The following RAD51AP2 variants were observed in gnomAD, a reference collection of about 807,000 sequenced individuals.
The protein encoded by RAD51AP2 is RAD51-associated protein 2.
In RAD51AP2, 67 loss-of-function variants were observed where a neutral mutation model predicts 85.5. The observed-to-expected ratio is 0.78, with a 90% CI of 0.64 to 0.96. RAD51AP2 has a LOEUF of 0.96. Among genes scored for constraint, RAD51AP2 ranks in the 40% least tolerant of loss-of-function variants. RAD51AP2 has a pLI of 0.00. For synonymous variants in RAD51AP2, 474 were observed against 446.5 expected (o/e 1.06, Z -0.78); for missense variants, 1,307 against 1,332.4 (o/e 0.98, Z 0.30).
intron 2 of RAD51AP2, among the ~76,000 whole-genome samples, chr2:17,513,582 A>C (rs1370600558): frequency 6.6e-6 from 1 of 152,122 alleles, no homozygotes; most frequent in Non-Finnish European, 1.5e-5. Flanking sequence ...TCAGTCAAAA[A>C]TCATGTTGAC....
Position 17,510,718 on chromosome 2 carries a change from A to G in RAD51AP2, c.*86T>C, listed in dbSNP as rs1662466130. 2.3e-6 allele frequency: 2 copies of G among 866,088 alleles called. No individual in the cohort carries two copies. The highest frequency in any genetic ancestry group is 3.3e-6 in the Non-Finnish European group (2 of 607,324). The allele number at this position is 866,088 out of a possible 1,614,324, so 53.7% of individuals were successfully genotyped here. A position where few individuals can be genotyped will look rare whatever the true frequency, so the allele number is the denominator to read the frequency against. On this transcript the variant is annotated 3_prime_UTR_variant, in exon 3 of 3. Transcript: ENST00000399080. ...AACTTCTCCACTTTATAATAAAGCA[A>G]GCCCCAAACCCCCAAGCTGGAAGAA...
intron 1 of RAD51AP2, among the ~76,000 whole-genome samples, chr2:17,514,482 C>A (rs113113617): frequency 0.011 from 1,721 of 151,686 alleles, 19 homozygotes; most frequent in Non-Finnish European, 0.019. Context: ...GGACATAAGG[C>A]CTGGCGTGGT....
At chr2:17,526,877 A>C in the RAD51AP2 span, among the ~76,000 whole-genome samples, 2 of 152,218 alleles carry the variant, frequency 1.3e-5, no homozygotes, top group African/African-American at 4.8e-5. Flanking sequence ...GGTTCAGTAG[A>C]ATTACAAAAC....
the RAD51AP2 span, among the ~76,000 whole-genome samples, chr2:17,536,274 G>A: frequency 6.6e-6 from 1 of 152,164 alleles, no homozygotes; most frequent in Non-Finnish European, 1.5e-5. Context: ...AAATGGATCC[G>A]TGATATTATC....
At chr2:17,535,027 T>C in the RAD51AP2 span, among the ~76,000 whole-genome samples, 6 of 152,234 alleles carry the variant, frequency 3.9e-5, no homozygotes, top group African/African-American at 1.4e-4. Flanking sequence ...TGTCATTATA[T>C]AGTATCTTAT....
At chr2:17,515,110 C>G in intron 1 of RAD51AP2, 59 bp downstream of exon 1, 1 of 1,374,072 alleles carries the variant, frequency 7.3e-7, no homozygotes, top group Non-Finnish European at 9.8e-7. Context: ...TTGGCCTACA[C>G]AGAAAAAAGC....
In RAD51AP2 at chr2:17,517,057, A is replaced by C. The variant is rs1406320865; in HGVS notation, c.1359T>G (p.Asn453Lys). ...GAAGCTTTGATTGTTCTTCATATGC[A>C]TTGATGACTTTTGCACAGTGGTAAT... Reference protein sequence around the residue: ...KEDYHCAKVINAYEEQSKLLV... With the variant: ...KEDYHCAKVIKAYEEQSKLLV... Residue 453 changes from asparagine (N) to lysine (K), a missense_variant, in exon 1 of 3, where the codon AAT (asparagine) becomes AAG (lysine). Around this residue, in one of 3 missense-constraint regions of RAD51AP2, gnomAD observed 635 missense variants for 643.6 expected, o/e 0.99. Coordinates refer to ENST00000399080, the MANE Select transcript of RAD51AP2 (RefSeq NM_001099218.3). The C allele has an allele frequency of 1.2e-6, 2 of 1,612,060 alleles. No individual in the cohort carries two copies. The highest frequency in any genetic ancestry group is 1.7e-4 in the Middle Eastern group (1 of 6,048).
the RAD51AP2 span, among the ~76,000 whole-genome samples, chr2:17,535,320 T>C: frequency 2.0e-5 from 3 of 152,188 alleles, no homozygotes; most frequent in African/African-American, 7.2e-5. Context: ...CATAGAGCAC[T>C]AAAAAGACAT....
In RAD51AP2 at chr2:17,517,693, G is replaced by A; in HGVS notation, c.723C>T (p.Pro241=). ...VLKISKSQNQ[P]SLEIAKPSYF... is the part of the protein sequence containing the mutation. ...AGCTAGGTTTGGCAATTTCCAAGCT[G>A]GGCTGGTTTTGAGATTTTGATATTT... The change falls in exon 1 of 3, where the codon CCC becomes CCT. Residue 241 remains proline, a synonymous_variant. Transcript: ENST00000399080. 4 of 1,612,884 alleles carry A rather than the reference G, an allele frequency of 2.5e-6. No individual in the cohort carries two copies. Among genetic ancestry groups the A allele is most frequent in the Non-Finnish European group, 2.5e-6 (3 of 1,179,722 alleles).
chr2:17,530,810 T>A, the RAD51AP2 span, among the ~76,000 whole-genome samples: 1 of 152,290 alleles, frequency 6.6e-6, no homozygotes, highest in South Asian at 2.1e-4. Context: ...GGCCTATTTT[T>A]AAAAGTGAGT....
chr2:17,515,911 C>T lies in RAD51AP2; in HGVS notation c.2505G>A (p.Glu835=), dbSNP rs1337806507. The change falls in exon 1 of 3, where the codon GAG becomes GAA. Residue 835 remains glutamate, a synonymous_variant. Coordinates refer to ENST00000399080, the MANE Select transcript of RAD51AP2 (RefSeq NM_001099218.3). ...EEKKYDLILK[E]EVKVTAESLT... ...AACTTTCAGCTGTGACTTTTACTTC[C>T]TCTTTCAAAATTAAGTCATATTTTT... 2 of 1,603,326 alleles carry T rather than the reference C, an allele frequency of 1.2e-6. No homozygotes were observed. The highest frequency in any genetic ancestry group is 1.7e-6 in the Non-Finnish European group (2 of 1,177,264).
chr2:17,518,118 A>G lies in RAD51AP2; in HGVS notation c.298T>C (p.Cys100Arg), dbSNP rs775235777. The change falls in exon 1 of 3, where the codon TGT (cysteine) becomes CGT (arginine). Residue 100 changes from cysteine (C) to arginine (R), a missense_variant. Cys to Arg is a radical substitution (Grantham distance 180). Coordinates refer to ENST00000399080, the MANE Select transcript of RAD51AP2 (RefSeq NM_001099218.3). ...VEKSVSGKQI[C>R]NLKCSNLKFQ... is the part of the protein sequence containing the mutation. Reference sequence around the variant, plus strand: ...TTGAGATTTGAGCATTTCAGATTACATATCTGCTTCCCACTGACTGATTTC... The same window carrying G: ...TTGAGATTTGAGCATTTCAGATTACGTATCTGCTTCCCACTGACTGATTTC... 3.7e-6 allele frequency: 6 copies of G among 1,614,106 alleles called. No individual in the cohort carries two copies. The highest frequency in any genetic ancestry group is 1.6e-4 in the Middle Eastern group (1 of 6,084).
intron 2 of RAD51AP2, 109 bp from the exon 3 acceptor site, chr2:17,511,064 T>C (rs1662480251): frequency 1.7e-6 from 1 of 581,566 alleles, no homozygotes; most frequent in Admixed American, 3.9e-5. Context: ...TACTGAGCAC[T>C]TATTATTTAT....
At chr2:17,519,499 CAAT>C (rs1434466177), upstream of RAD51AP2, among the ~76,000 whole-genome samples, 1 of 152,072 alleles carries the variant, frequency 6.6e-6, no homozygotes, top group African/African-American at 2.4e-5. Flanking sequence ...ATAATAACTA[CAAT>C]AACATGCAAC....
At chr2:17,525,393 A>G in the RAD51AP2 span, among the ~76,000 whole-genome samples, 2 of 151,996 alleles carry the variant, frequency 1.3e-5, no homozygotes, top group African/African-American at 2.4e-5. Flanking sequence ...AAGAGCCAAG[A>G]ATCACAGAAA....
chr2:17,520,754 T>TC (rs1491324297), upstream of RAD51AP2, among the ~76,000 whole-genome samples: 1 of 28,050 alleles, frequency 3.6e-5, no homozygotes, highest in African/African-American at 6.2e-5. Context: ...TCTTTCAGCT[T>TC]CTTTTTTTTT....
the RAD51AP2 span, among the ~76,000 whole-genome samples, chr2:17,536,502 G>A: frequency 4.1e-4 from 63 of 152,274 alleles, no homozygotes; most frequent in African/African-American, 1.5e-3. Context: ...ATGGAATAAA[G>A]TATTCTCTAT....
the RAD51AP2 span, among the ~76,000 whole-genome samples, chr2:17,535,575 C>T: frequency 7.6e-3 from 1,163 of 152,100 alleles, 12 homozygotes; most frequent in Middle Eastern, 0.014. Context: ...ATGGAATTCA[C>T]GGGATTCAGT....
Position 17,514,053 on chromosome 2 carries a change from G to A in RAD51AP2, c.3287C>T (p.Pro1096Leu). ...TPLPKRPAFL[P>L]DECKEEFNYL... is the part of the protein sequence containing the mutation. ...ATTAAATTCTTCTTTACATTCATCA[G>A]GGAGAAAAGCAGGTCTTTTAGGTAA... The change falls in exon 2 of 3, where the codon CCT (proline) becomes CTT (leucine). Residue 1096 changes from proline to leucine, a missense_variant. Coordinates refer to ENST00000399080, the MANE Select transcript of RAD51AP2 (RefSeq NM_001099218.3). 1 of 1,590,016 alleles carries A rather than the reference G, an allele frequency of 6.3e-7. No individual in the cohort carries two copies. The highest frequency in any genetic ancestry group is 8.6e-7 in the Non-Finnish European group (1 of 1,159,888).
Sources: allele counts gnomAD v4.1 joint callset (sites outside exome capture counted in the v4.1 genomes callset), GRCh38; gene constraint gnomAD v4.1.1; regional missense constraint gnomAD v4.1.1; transcripts MANE v1.5; gene names NCBI Gene and HGNC (gene_info 2026-07-23, HGNC 2026-07-21).